Variants in TRIM71 observed in about 807,000 individuals in gnomAD.
TRIM71 encodes E3 ubiquitin-protein ligase TRIM71.
TRIM71 carries 9 observed loss-of-function variants against 61.2 expected under a neutral mutation model. The ratio of observed to expected loss-of-function variants is 0.15; its 90% confidence interval spans 0.09 to 0.26. The LOEUF (loss-of-function observed/expected upper bound fraction) is 0.26, where lower values mean the gene tolerates loss of function less well. Ranked by LOEUF, TRIM71 falls within the 10% of genes least tolerant of loss-of-function variation. The pLI, the probability that TRIM71 is intolerant of heterozygous loss-of-function variation, is 1.00. For synonymous variants in TRIM71, 645 were observed against 553.2 expected, an observed-to-expected ratio of 1.17 and a Z score of -2.33; for missense variants, 998 against 1,238.7, an observed-to-expected ratio of 0.81 and a Z score of 2.92.
chr3:32,826,075 T>C (rs893101382), intron 1 of TRIM71, among the ~76,000 whole-genome samples: 3 of 152,200 alleles, frequency 2.0e-5, no homozygotes, highest in African/African-American at 7.2e-5. Flanking sequence ...ATGCCATCTC[T>C]TGCCTTCCTC....
At chr3:32,880,568 G>T (rs1696898421) in intron 2 of TRIM71, among the ~76,000 whole-genome samples, 2 of 152,158 alleles carry the variant, frequency 1.3e-5, no homozygotes, top group Admixed American at 1.3e-4. Flanking sequence ...ACAAATCCTT[G>T]AGTTAATTCT....
intron 1 of TRIM71, among the ~76,000 whole-genome samples, chr3:32,841,767 C>T (rs1458892515): frequency 1.3e-5 from 2 of 152,292 alleles, no homozygotes; most frequent in Middle Eastern, 3.4e-3. Flanking sequence ...TGTGGGACTT[C>T]ACCTAACTTG....
At chr3:32,846,297 G>A (rs909126117) in intron 1 of TRIM71, among the ~76,000 whole-genome samples, 1 of 151,772 alleles carries the variant, frequency 6.6e-6, no homozygotes, top group Non-Finnish European at 1.5e-5. Flanking sequence ...GGATGGTCTC[G>A]ATCTCCTGAC....
intron 1 of TRIM71, among the ~76,000 whole-genome samples, chr3:32,823,350 T>G (rs1416156226): frequency 6.6e-6 from 1 of 152,240 alleles, no homozygotes; most frequent in African/African-American, 2.4e-5. Context: ...GAGGTTGCCT[T>G]GAAGGCATAA....
intron 1 of TRIM71, among the ~76,000 whole-genome samples, chr3:32,826,691 C>T (rs1279785923): frequency 1.3e-5 from 2 of 149,400 alleles, no homozygotes. Context: ...AATGGTCCAC[C>T]CACCTTGGCC....
chr3:32,874,680 G>A (rs1487490016), intron 2 of TRIM71, among the ~76,000 whole-genome samples: 3 of 149,554 alleles, frequency 2.0e-5, no homozygotes, highest in Non-Finnish European at 3.0e-5. Context: ...CCACCACCAC[G>A]CCCGGCTAAT....
chr3:32,854,076 C>A (rs1475079884), intron 1 of TRIM71, among the ~76,000 whole-genome samples: 1 of 152,096 alleles, frequency 6.6e-6, no homozygotes, highest in Non-Finnish European at 1.5e-5. Flanking sequence ...GCAACCTCTG[C>A]CTCCTGGGTT....
intron 1 of TRIM71, 103 bp downstream of exon 1, chr3:32,819,035 G>C (rs531391381): frequency 3.0e-6 from 4 of 1,330,374 alleles, no homozygotes; most frequent in Non-Finnish European, 4.2e-6. Context: ...GCCCTCTCCG[G>C]ATTTGGTTTG....
intron 2 of TRIM71, among the ~76,000 whole-genome samples, chr3:32,883,916 T>C (rs1183345870): frequency 6.6e-6 from 1 of 152,192 alleles, no homozygotes; most frequent in East Asian, 1.9e-4. Context: ...CCTTCCAGCT[T>C]CAGAAGGGAA....
At chr3:32,837,016 A>G (rs1015535802) in intron 1 of TRIM71, among the ~76,000 whole-genome samples, 2 of 151,996 alleles carry the variant, frequency 1.3e-5, no homozygotes, top group East Asian at 1.9e-4. Context: ...TTTCCCCCCA[A>G]TTTTTATCTT....
chr3:32,842,426 A>G (rs934207395), intron 1 of TRIM71, among the ~76,000 whole-genome samples: 2 of 152,226 alleles, frequency 1.3e-5, no homozygotes, highest in Non-Finnish European at 2.9e-5. Flanking sequence ...AAAATTGAGT[A>G]TGATGGGGTT....
chr3:32,849,759 G>C (rs1463242489), intron 1 of TRIM71, among the ~76,000 whole-genome samples: 1 of 152,152 alleles, frequency 6.6e-6, no homozygotes, highest in Non-Finnish European at 1.5e-5. Context: ...GGTAAGAGTT[G>C]GGTGCATTGG....
At chr3:32,873,327 A>G (rs1696818797) in intron 1 of TRIM71, among the ~76,000 whole-genome samples, 1 of 152,130 alleles carries the variant, frequency 6.6e-6, no homozygotes, top group Non-Finnish European at 1.5e-5. Context: ...CTGTGGTGTG[A>G]GGATGGTTGT....
intron 1 of TRIM71, among the ~76,000 whole-genome samples, chr3:32,849,502 G>A (rs1194042662): frequency 6.6e-6 from 1 of 152,160 alleles, no homozygotes; most frequent in African/African-American, 2.4e-5. Flanking sequence ...GGGATTACAG[G>A]CGTGCACCAC....
At chr3:32,845,832 T>G (rs1394954763) in intron 1 of TRIM71, among the ~76,000 whole-genome samples, 2 of 151,894 alleles carry the variant, frequency 1.3e-5, no homozygotes, top group Non-Finnish European at 2.9e-5. Flanking sequence ...GTGATTCTCC[T>G]GTCTCAGCCT....
chr3:32,874,143 G>T (rs1022378122), intron 2 of TRIM71, among the ~76,000 whole-genome samples, 158 bp downstream of exon 2: 4 of 152,200 alleles, frequency 2.6e-5, no homozygotes, highest in African/African-American at 9.6e-5. Context: ...CCCTTTAGGG[G>T]TTCTGGCAGT....
At position 32,818,049 on chromosome 3, in the gene TRIM71, T is replaced by A; in HGVS notation, c.-32T>A. The stretch of plus-strand genomic sequence containing the variant: ...TCCTCCTCCTCCTCCTCTTCCTCTC[T>A]GGTCTCCTCCCTCCTCCGGGCTGGG... On this transcript the variant is annotated 5_prime_UTR_variant, in exon 1 of 4. Transcript: ENST00000383763. 1.2e-6 allele frequency: 2 copies of A among 1,601,856 alleles called. No homozygotes were observed. The highest frequency in any genetic ancestry group is 2.3e-5 in the East Asian group (1 of 43,862).
At chr3:32,830,342 A>G (rs894463974) in intron 1 of TRIM71, among the ~76,000 whole-genome samples, 2 of 152,204 alleles carry the variant, frequency 1.3e-5, no homozygotes, top group Admixed American at 6.5e-5. Context: ...GAGTATAACC[A>G]TCTTGCAAAA....
chr3:32,876,384 GAC>G (rs773688259), intron 2 of TRIM71, among the ~76,000 whole-genome samples: 1 of 152,102 alleles, frequency 6.6e-6, no homozygotes, highest in African/African-American at 2.4e-5. Context: ...AGGAGTTCGA[GAC>G]CAGCCTGGCC....
Sources: allele counts gnomAD v4.1 joint callset (sites outside exome capture counted in the v4.1 genomes callset), GRCh38; gene constraint gnomAD v4.1.1; transcripts MANE v1.5; gene names NCBI Gene and HGNC (gene_info 2026-07-23, HGNC 2026-07-21).